ADCY1: variants seen among roughly 807,000 people sequenced by gnomAD.
The protein encoded by ADCY1 is adenylate cyclase type 1.
Under a neutral mutation model 105.4 loss-of-function variants are expected in ADCY1, and 28 were observed. The ratio of observed to expected loss-of-function variants is 0.27; its 90% CI spans 0.20 to 0.36. The LOEUF (loss-of-function observed/expected upper bound fraction) is 0.36, where lower values mean the gene tolerates loss of function less well. ADCY1 is among the 10% of genes least tolerant of loss of function. The pLI is 1.00. For missense variants in ADCY1, 977 were observed against 1,434.2 expected (o/e 0.68, Z 5.15); for synonymous variants, 655 against 623.8 (o/e 1.05, Z -0.75).
chr7:45,654,834 G>A (rs1025626440), intron 5 of ADCY1, among the ~76,000 whole-genome samples: 3 of 152,108 alleles, frequency 2.0e-5, no homozygotes, highest in Non-Finnish European at 4.4e-5. Flanking sequence ...ATTCTAGATC[G>A]AGAAGCTGCA....
intron 4 of ADCY1, among the ~76,000 whole-genome samples, chr7:45,642,228 G>T (rs1211135131): frequency 6.6e-6 from 1 of 152,126 alleles, no homozygotes; most frequent in Non-Finnish European, 1.5e-5. Flanking sequence ...TAAGGAAGGG[G>T]TGGGGCAGGT....
In ADCY1 at chr7:45,703,559, C is replaced by T. The variant is rs377381131; in HGVS notation, c.2572-41C>T. The T allele has an allele frequency of 2.6e-5, 42 of 1,611,960 alleles. No individual in the cohort carries two copies. Among genetic ancestry groups the T allele is most frequent in the Middle Eastern group, 1.6e-4 (1 of 6,072 alleles). On this transcript the variant is annotated intron_variant, in intron 15 of 19. Transcript: ENST00000297323. The surrounding 1 kb of genome is among the most constrained non-coding windows in gnomAD (Gnocchi z 5.9). ...TGCTCTGGCCACCCCACTTGGCGCT[C>T]ACCTGGCTGACCCTTCCTGACCCAT...
In ADCY1 at chr7:45,713,988, A is replaced by T. The variant is rs756545341; in HGVS notation, c.3353A>T (p.Glu1118Val). Residue 1118 changes from glutamate to valine, a missense_variant, in exon 20 of 20, where the codon GAG (glutamate) becomes GTG (valine). Physicochemically the swap from Glu to Val is moderately radical, Grantham distance 121 (BLOSUM62 -2). Coordinates refer to ENST00000297323, the MANE Select transcript of ADCY1 (RefSeq NM_021116.4). ...QYLPSAAAGK[E>V]A ...CTGCCCTCTGCAGCAGCTGGGAAGG[A>T]GGCTTAGTGGAGCCCACGTGGGCCT... 3 of 775,830 alleles carry T rather than the reference A, an allele frequency of 3.9e-6. No homozygotes were observed. The highest frequency in any genetic ancestry group is 7.2e-6 in the Non-Finnish European group (3 of 414,844). 48.1% of individuals were successfully genotyped at this position (775,830 alleles called of 1,614,324 possible). A position where few individuals can be genotyped will look rare whatever the true frequency, so the allele number is the denominator to read the frequency against.
chr7:45,710,552 C>T lies in ADCY1; in HGVS notation c.2957C>T (p.Ala986Val). 6.2e-7 allele frequency: 1 copy of T among 1,614,046 alleles called. No homozygotes were observed. The highest frequency in any genetic ancestry group is 8.5e-7 in the Non-Finnish European group (1 of 1,180,000). ...RVGINVGPVV[A>V]GVIGARRPQY... ...GGCATCAATGTTGGCCCTGTGGTGG[C>T]TGGAGTGATTGGCGCTCGCAGGCCC... The change falls in exon 19 of 20, where the codon GCT (alanine) becomes GTT (valine). Residue 986 changes from alanine (A) to valine (V), a missense_variant. Coordinates refer to ENST00000297323, the MANE Select transcript of ADCY1 (RefSeq NM_021116.4). The surrounding 1 kb of genome is among the most constrained non-coding windows in gnomAD (Gnocchi z 4.7).
intron 14 of ADCY1, among the ~76,000 whole-genome samples, chr7:45,700,883 A>G (rs1285234162): frequency 6.6e-6 from 1 of 152,216 alleles, no homozygotes; most frequent in Non-Finnish European, 1.5e-5. Context: ...GTCGGCACAC[A>G]GGGAGTTGCC....
rs1455639902 is a variant in ADCY1, at chr7:45,720,084, T to C, written c.*6089T>C. ...CTCCCCTCCAGTTACCAGGAGCCGA[T>C]TTGGAGGCCAGGCCTTCCCAGCTGA... On this transcript the variant is annotated 3_prime_UTR_variant, in exon 20 of 20. Transcript: ENST00000297323. The C allele has an allele frequency of 1.3e-5, 2 of 152,124 alleles. No individual in the cohort carries two copies. Among genetic ancestry groups the C allele is most frequent in the Non-Finnish European group, 2.9e-5 (2 of 68,040 alleles). The allele number at this position is 152,124 out of a possible 1,614,324, so 9.4% of individuals were successfully genotyped here.
In ADCY1 at chr7:45,620,365, CT is replaced by C. The variant is rs546354133; in HGVS notation, c.909-2266del. Among the ~76,000 whole-genome samples, 31 of 151,832 alleles carry C rather than the reference CT, an allele frequency of 2.0e-4. 1 individual carries two copies. The South Asian group carries it at 2.1e-3, about 10-fold the overall frequency. The stretch of plus-strand genomic sequence containing the variant: ...TAAAAAGAATTAGTGAACTTGATAG[CT>C]CGATTATCCAGTGTGAAGAACAGAA... On this transcript the variant is annotated intron_variant, in intron 3 of 19. Transcript: ENST00000297323.
chr7:45,655,044 A>G (rs78787536), intron 5 of ADCY1, among the ~76,000 whole-genome samples: 3 of 152,298 alleles, frequency 2.0e-5, no homozygotes, highest in East Asian at 1.9e-4. Context: ...ATCGGCCTCT[A>G]TGGTGTCCTC....
chr7:45,653,232 C>A (rs1412989039), intron 5 of ADCY1, among the ~76,000 whole-genome samples: 1 of 152,160 alleles, frequency 6.6e-6, no homozygotes, highest in Non-Finnish European at 1.5e-5. Flanking sequence ...TTCCTTTTGT[C>A]TTGGAGCTTC....
At chr7:45,641,630 C>T (rs1460680611) in intron 4 of ADCY1, among the ~76,000 whole-genome samples, 3 of 152,110 alleles carry the variant, frequency 2.0e-5, no homozygotes, top group African/African-American at 7.2e-5. Flanking sequence ...CCTTGTGTCT[C>T]AAAAATGTCT....
intron 3 of ADCY1, 86 bp downstream of exon 3, chr7:45,610,583 A>T: frequency 8.5e-7 from 1 of 1,175,550 alleles, no homozygotes; most frequent in South Asian, 1.3e-5. Context: ...GTGATGACAG[A>T]AGTGGGGAAG....
chr7:45,601,248 C>T (rs940535252), intron 2 of ADCY1, among the ~76,000 whole-genome samples: 3 of 152,192 alleles, frequency 2.0e-5, no homozygotes, highest in Admixed American at 6.5e-5. Flanking sequence ...TCCTCCCTTC[C>T]CCCCCTGCTC....
rs1417237203 is a variant in ADCY1, at chr7:45,575,508, C to G, written c.639+326C>G. Among the ~76,000 whole-genome samples the G allele has an allele frequency of 1.3e-5, 2 of 152,258 alleles. No homozygotes were observed. Among genetic ancestry groups the G allele is most frequent in the African/African-American group, 2.4e-5 (1 of 41,472 alleles). On this transcript the variant is annotated intron_variant, in intron 1 of 19. Coordinates refer to ENST00000297323, the MANE Select transcript of ADCY1 (RefSeq NM_021116.4). The surrounding 1 kb of genome is among the most constrained non-coding windows in gnomAD (Gnocchi z 4.7). The stretch of plus-strand genomic sequence containing the variant: ...ACGGCGGCCAGAGGGGTCCGCCGGT[C>G]TTTTGCCGCACCCATCCCCACAGAG...
chr7:45,576,954 C>A (rs1792368290), intron 1 of ADCY1, among the ~76,000 whole-genome samples: 1 of 152,144 alleles, frequency 6.6e-6, no homozygotes, highest in Admixed American at 6.5e-5. Context: ...CCTATATAGC[C>A]TCTAGTCATT....
At chr7:45,683,634 G>A (rs891523691) in intron 11 of ADCY1, among the ~76,000 whole-genome samples, 4 of 152,062 alleles carry the variant, frequency 2.6e-5, no homozygotes, top group Non-Finnish European at 5.9e-5. Context: ...GGGTCTGCTC[G>A]GAGCTGATCA....
At chr7:45,577,938 C>T (rs1294557796) in intron 1 of ADCY1, among the ~76,000 whole-genome samples, 1 of 152,322 alleles carries the variant, frequency 6.6e-6, no homozygotes, top group African/African-American at 2.4e-5. Flanking sequence ...GGCCTGGGTT[C>T]AAGTCCCTGC....
At chr7:45,697,484 G>A (rs528678405) in intron 14 of ADCY1, among the ~76,000 whole-genome samples, 4 of 142,566 alleles carry the variant, frequency 2.8e-5, no homozygotes, top group East Asian at 2.2e-4. Context: ...TCTCCCTCCC[G>A]GGTTCAAGTG....
chr7:45,667,086 C>T (rs1784276166), intron 8 of ADCY1, among the ~76,000 whole-genome samples: 1 of 152,186 alleles, frequency 6.6e-6, no homozygotes. Context: ...GTTGCCTGTT[C>T]ACTCTACTGG....
chr7:45,636,160 A>G (rs892272278), intron 4 of ADCY1, among the ~76,000 whole-genome samples: 6 of 152,170 alleles, frequency 3.9e-5, no homozygotes, highest in Admixed American at 2.6e-4. Flanking sequence ...GACTATTGTC[A>G]GAAAGAATAG....
Sources: allele counts gnomAD v4.1 joint callset (sites outside exome capture counted in the v4.1 genomes callset), GRCh38; gene constraint gnomAD v4.1.1; non-coding constraint Gnocchi (gnomAD v3.1); transcripts MANE v1.5; gene names NCBI Gene and HGNC (gene_info 2026-07-23, HGNC 2026-07-21).